PKN2: variants seen among roughly 807,000 people sequenced by gnomAD.
PKN2 encodes serine/threonine-protein kinase N2.
A neutral mutation model predicts 119.1 loss-of-function variants in PKN2; 38 were observed. The observed-to-expected ratio is 0.32, with a 90% CI of 0.25 to 0.42. The LOEUF is 0.42. Ranked by LOEUF, PKN2 falls within the 10% of genes least tolerant of loss-of-function variation. PKN2 has a pLI of 1.00. For missense variants in PKN2, 850 were observed against 1,165.1 expected (o/e 0.73, Z 3.94); for synonymous variants, 390 against 384.9 (o/e 1.01, Z -0.15).
At position 88,819,467 on chromosome 1, in the gene PKN2, C is replaced by G. The variant is rs557145743; in HGVS notation, c.2280-2474C>G. Among the ~76,000 whole-genome samples, 54 of 152,270 alleles carry G rather than the reference C, an allele frequency of 3.5e-4. 1 individual carries two copies. Among genetic ancestry groups the G allele is most frequent in the African/African-American group, 1.2e-3 (51 of 41,542 alleles). ...TGCAAATCAAAACTACAATGAGATA[C>G]CATCTCACGCCAGTTAGAATGGCGA... On this transcript the variant is annotated intron_variant, in intron 16 of 21. Coordinates refer to ENST00000370521, the MANE Select transcript of PKN2 (RefSeq NM_006256.4).
chr1:88,820,233 T>TATAA (rs1672212653), intron 16 of PKN2, among the ~76,000 whole-genome samples: 4 of 52,726 alleles, frequency 7.6e-5, no homozygotes, highest in Non-Finnish European at 1.4e-4. Flanking sequence ...TATATATATA[T>TATAA]AAATAGAAAA....
chr1:88,712,728 A>G (rs1387753250), intron 1 of PKN2, among the ~76,000 whole-genome samples: 2 of 152,190 alleles, frequency 1.3e-5, no homozygotes, highest in African/African-American at 4.8e-5. Context: ...CCAGTTGACT[A>G]TTACTTAAAT....
At chr1:88,788,104 C>A (rs1430664630) in intron 8 of PKN2, among the ~76,000 whole-genome samples, 1 of 152,156 alleles carries the variant, frequency 6.6e-6, no homozygotes, top group Non-Finnish European at 1.5e-5. Context: ...ACTTTGTCTT[C>A]TATGGCATTC....
intron 1 of PKN2, among the ~76,000 whole-genome samples, chr1:88,721,105 T>A (rs890339895): frequency 2.6e-5 from 4 of 152,178 alleles, no homozygotes; most frequent in African/African-American, 9.7e-5. Context: ...GTCTTTTTCA[T>A]ATAATGACTT....
intron 1 of PKN2, among the ~76,000 whole-genome samples, chr1:88,725,343 C>T (rs182366601): frequency 2.2e-4 from 33 of 152,254 alleles, no homozygotes; most frequent in Admixed American, 1.6e-3. Flanking sequence ...TTCAGAGTGG[C>T]TATACCACCT....
At chr1:88,726,372 G>T (rs1667898467) in intron 1 of PKN2, among the ~76,000 whole-genome samples, 1 of 152,024 alleles carries the variant, frequency 6.6e-6, no homozygotes. Flanking sequence ...TGGAGTTTTT[G>T]CCATGTATAG....
At chr1:88,699,381 T>G (rs1429514668) in intron 1 of PKN2, among the ~76,000 whole-genome samples, 1 of 152,200 alleles carries the variant, frequency 6.6e-6, no homozygotes, top group East Asian at 1.9e-4. Context: ...AGGCTAGAAT[T>G]ATTTAATGTA....
chr1:88,704,238 A>G (rs6699889), intron 1 of PKN2, among the ~76,000 whole-genome samples: 17,085 of 152,166 alleles, frequency 0.11, 1,970 homozygotes, highest in African/African-American at 0.3. Flanking sequence ...ATTATACAGT[A>G]TGTACTTTGG....
chr1:88,715,032 A>G (rs575899794), intron 1 of PKN2, among the ~76,000 whole-genome samples: 2 of 152,234 alleles, frequency 1.3e-5, no homozygotes, highest in South Asian at 4.2e-4. Context: ...TGAGATAATC[A>G]TGTGGCTTTT....
intron 6 of PKN2, chr1:88,780,973 A>T: frequency 2.1e-6 from 1 of 486,282 alleles, no homozygotes; most frequent in Non-Finnish European, 2.7e-6. Context: ...TCATTCCATT[A>T]CTGAACTTTA....
intron 6 of PKN2, among the ~76,000 whole-genome samples, chr1:88,777,032 T>C (rs1670136016): frequency 6.6e-6 from 1 of 152,134 alleles, no homozygotes; most frequent in Non-Finnish European, 1.5e-5. Flanking sequence ...CTCTGAGACT[T>C]TGATTTTTGC....
intron 2 of PKN2, among the ~76,000 whole-genome samples, chr1:88,746,537 G>A (rs1387783558): frequency 1.3e-5 from 2 of 152,042 alleles, no homozygotes; most frequent in Non-Finnish European, 2.9e-5. Context: ...TCAGAGAAAT[G>A]CAAATTAAAA....
intron 1 of PKN2, among the ~76,000 whole-genome samples, chr1:88,697,400 T>C (rs981950693): frequency 8.5e-5 from 13 of 152,348 alleles, no homozygotes; most frequent in Admixed American, 2.0e-4. Context: ...GCTAGAAATC[T>C]GCTAGTTACT....
chr1:88,781,019 T>TA, intron 6 of PKN2: 9 of 906,354 alleles, frequency 9.9e-6, no homozygotes, highest in Non-Finnish European at 1.1e-5. Flanking sequence ...TAAAAAGAAG[T>TA]ATCTTACAAT....
chr1:88,710,680 A>T (rs962339327), intron 1 of PKN2, among the ~76,000 whole-genome samples: 1 of 152,232 alleles, frequency 6.6e-6, no homozygotes, highest in African/African-American at 2.4e-5. Context: ...GAGAAAAAGG[A>T]ATGCTTATAC....
chr1:88,784,956 C>T (rs1406696661), intron 7 of PKN2, 132 bp downstream of exon 7: 1 of 484,124 alleles, frequency 2.1e-6, no homozygotes, highest in South Asian at 5.4e-5. Context: ...ATATTAAAAC[C>T]TGTGATGTCA....
chr1:88,705,104 A>AT (rs1666924492), intron 1 of PKN2, among the ~76,000 whole-genome samples: 1 of 151,542 alleles, frequency 6.6e-6, no homozygotes, highest in East Asian at 1.9e-4. Context: ...AATATTTTCA[A>AT]TTCTGTAGCT....
At chr1:88,690,867 A>G (rs754211191) in intron 1 of PKN2, among the ~76,000 whole-genome samples, 2 of 152,214 alleles carry the variant, frequency 1.3e-5, no homozygotes, top group Non-Finnish European at 2.9e-5. Context: ...GTGGATATAC[A>G]AGACTTACAT....
chr1:88,805,752 G>A, intron 11 of PKN2, 81 bp downstream of exon 11: 6 of 1,598,464 alleles, frequency 3.8e-6, no homozygotes, highest in Non-Finnish European at 5.1e-6. Context: ...GGTGTACTGA[G>A]TCTTGCTTTT....
Sources: gnomAD v4.1 joint callset for allele counts (sites outside exome capture counted in the v4.1 genomes callset) on GRCh38, gnomAD v4.1.1 for gene constraint, MANE v1.5 for transcripts, NCBI Gene and HGNC (gene_info 2026-07-23, HGNC 2026-07-21) for gene names.